Variants in PARD3B observed in about 807,000 individuals in gnomAD.
PARD3B encodes par-3 family cell polarity regulator beta.
PARD3B carries 103 observed loss-of-function variants against 130.2 expected under a neutral mutation model. The observed-to-expected ratio is 0.79, with a 90% CI of 0.67 to 0.93. The LOEUF (loss-of-function observed/expected upper bound fraction) is 0.93. PARD3B is among the 40% of genes least tolerant of loss of function. PARD3B has a pLI of 0.00. For missense variants in PARD3B, 1,609 were observed against 1,499.2 expected, an observed-to-expected ratio of 1.07 and a Z score of -1.21; for synonymous variants, 583 against 553.2, an observed-to-expected ratio of 1.05 and a Z score of -0.76.
intron 16 of PARD3B, among the ~76,000 whole-genome samples, chr2:205,290,750 A>G (rs1291244449): frequency 3.3e-5 from 5 of 152,192 alleles, no homozygotes; most frequent in Admixed American, 2.0e-4. Context: ...TTGAAATCCT[A>G]TACCACAATA....
rs558366380 is a variant in PARD3B, at chr2:205,298,385, T to C, written c.2186-2145T>C. Among the ~76,000 whole-genome samples, 17 of 152,340 alleles carry C rather than the reference T, an allele frequency of 1.1e-4. No homozygotes were observed. The South Asian group carries it at 3.3e-3, about 30-fold the overall frequency. On this transcript the variant is annotated intron_variant, in intron 16 of 22. Transcript: ENST00000406610. ...TCAATTTCTGTTTCTTCAACTTATC[T>C]TCCTTCCTGGGAATATAAAAAATAT...
chr2:205,440,486 A>T lies in PARD3B; in HGVS notation c.2858A>T (p.Tyr953Phe). The T allele has an allele frequency of 6.2e-7, 1 of 1,614,122 alleles. No individual in the cohort carries two copies. The highest frequency in any genetic ancestry group is 8.5e-7 in the Non-Finnish European group (1 of 1,179,986). Residue 953 changes from tyrosine (Y) to phenylalanine (F), a missense_variant, in exon 20 of 23, where the codon TAT (tyrosine) becomes TTT (phenylalanine). Physicochemically the swap from Tyr to Phe is conservative, Grantham distance 22. Coordinates refer to ENST00000406610, the MANE Select transcript of PARD3B (RefSeq NM_001302769.2). The surrounding 1 kb of genome is among the most constrained non-coding windows in gnomAD (Gnocchi z 4.2). The part of the protein sequence containing the change: ...DMDDDEMDPN[Y>F]ARVNHFREPC... ...GATGATGATGAAATGGACCCCAATT[A>T]TGCCAGAGTGAACCACTTTCGGGAA...
intron 20 of PARD3B, 92 bp from the exon 21 acceptor site, chr2:205,499,804 T>A: frequency 1.5e-6 from 2 of 1,303,394 alleles, no homozygotes; most frequent in Non-Finnish European, 2.1e-6. Context: ...TCTTCCAAAT[T>A]TAGATGTCAA....
intron 2 of PARD3B, among the ~76,000 whole-genome samples, chr2:204,766,540 C>T (rs17450742): frequency 0.64 from 97,149 of 151,812 alleles, 33,763 homozygotes; most frequent in East Asian, 0.84. Context: ...TCTTAATGTA[C>T]TATTGCTATA....
chr2:205,595,648 C>G (rs545661547), intron 22 of PARD3B, among the ~76,000 whole-genome samples: 2 of 152,280 alleles, frequency 1.3e-5, no homozygotes, highest in South Asian at 4.2e-4. Flanking sequence ...AGCAAAGCAG[C>G]ACTCAAACAA....
At chr2:205,114,088 C>T (rs1703849218) in intron 6 of PARD3B, among the ~76,000 whole-genome samples, 1 of 151,996 alleles carries the variant, frequency 6.6e-6, no homozygotes, top group Admixed American at 6.6e-5. Context: ...GCTGTATTTT[C>T]CTAAAATATA....
chr2:205,472,575 T>G (rs922871050), intron 20 of PARD3B, among the ~76,000 whole-genome samples: 1 of 152,204 alleles, frequency 6.6e-6, no homozygotes, highest in African/African-American at 2.4e-5. Flanking sequence ...TACATGTTTG[T>G]TCCTCTCAAG....
intron 3 of PARD3B, among the ~76,000 whole-genome samples, chr2:205,004,373 G>T (rs542768402): frequency 1.3e-5 from 2 of 152,208 alleles, no homozygotes; most frequent in African/African-American, 4.8e-5. Flanking sequence ...AGAAGACCAG[G>T]TATTATTTTT....
intron 2 of PARD3B, among the ~76,000 whole-genome samples, chr2:204,817,981 GTTTACTTGGAGTAT>G: frequency 6.6e-6 from 1 of 152,136 alleles, no homozygotes; most frequent in African/African-American, 2.4e-5. Context: ...CAGAAGGAAA[GTTTACTTGGAGTAT>G]TTCTTAAGGG....
At chr2:205,328,812 A>G (rs1319271184) in intron 18 of PARD3B, among the ~76,000 whole-genome samples, 2 of 152,238 alleles carry the variant, frequency 1.3e-5, no homozygotes, top group Non-Finnish European at 2.9e-5. Context: ...TGAAGGAACC[A>G]TATCATATGT....
Position 205,552,221 on chromosome 2 carries a change from A to G in PARD3B, c.3181-1103A>G, listed in dbSNP as rs1189328994. 5.9e-5 allele frequency among the ~76,000 whole-genome samples: 9 copies of G among 152,258 alleles called. No individual in the cohort carries two copies. The South Asian group carries it at 1.7e-3, about 28-fold the overall frequency. ...ACACAGGACGTACAGAGGAAGGGAC[A>G]AAAACAGTAAAGACCAACACTAGAT... On this transcript the variant is annotated intron_variant, in intron 21 of 22. Coordinates refer to ENST00000406610, the MANE Select transcript of PARD3B (RefSeq NM_001302769.2).
chr2:205,471,936 A>C (rs942943548), intron 20 of PARD3B, among the ~76,000 whole-genome samples: 4 of 152,100 alleles, frequency 2.6e-5, no homozygotes, highest in African/African-American at 9.7e-5. Flanking sequence ...AGCATCAGTA[A>C]CCCAGTGATC....
In PARD3B at chr2:204,661,306, G is replaced by A. The variant is rs76616251; in HGVS notation, c.121-24875G>A. 6.6e-3 allele frequency among the ~76,000 whole-genome samples: 1,008 copies of A among 152,160 alleles called. 11 individuals carry two copies. Among genetic ancestry groups the A allele is most frequent in the African/African-American group, 0.023 (943 of 41,506 alleles). ...GTGAATCCACAAGGCTGGTGTTAACGGTTTTTCCCTTCCCCTTTGCTTGTG... is the reference window on the plus strand; with the variant it reads ...GTGAATCCACAAGGCTGGTGTTAACAGTTTTTCCCTTCCCCTTTGCTTGTG... On this transcript the variant is annotated intron_variant, in intron 1 of 22. Transcript: ENST00000406610.
chr2:204,655,785 T>A (rs2035618562), intron 1 of PARD3B, among the ~76,000 whole-genome samples: 1 of 152,096 alleles, frequency 6.6e-6, no homozygotes, highest in Admixed American at 6.5e-5. Flanking sequence ...GCTTAAGTGA[T>A]AATCATTTAT....
chr2:205,422,046 G>A (rs908712515), intron 19 of PARD3B, among the ~76,000 whole-genome samples: 1 of 152,116 alleles, frequency 6.6e-6, no homozygotes, highest in Non-Finnish European at 1.5e-5. Context: ...CTTGTAAACA[G>A]ATAAATAAAA....
intron 15 of PARD3B, among the ~76,000 whole-genome samples, chr2:205,219,176 T>C (rs1328719280): frequency 6.6e-6 from 1 of 152,170 alleles, no homozygotes; most frequent in Non-Finnish European, 1.5e-5. Flanking sequence ...CTCAACTTTG[T>C]TCGAGATTCT....
At chr2:204,983,605 TA>T (rs1235124934) in intron 3 of PARD3B, among the ~76,000 whole-genome samples, 4 of 152,188 alleles carry the variant, frequency 2.6e-5, no homozygotes, top group Non-Finnish European at 5.9e-5. Flanking sequence ...CTATTGAAGT[TA>T]AAGGGCACTT....
chr2:205,612,712 T>C (rs1575487726), intron 22 of PARD3B, among the ~76,000 whole-genome samples: 1 of 152,126 alleles, frequency 6.6e-6, no homozygotes, highest in Admixed American at 6.5e-5. Context: ...AAAAGACAAT[T>C]TCCATGACTT....
At chr2:205,553,661 C>T (rs930773042) in intron 22 of PARD3B, among the ~76,000 whole-genome samples, 2 of 152,170 alleles carry the variant, frequency 1.3e-5, no homozygotes, top group African/African-American at 4.8e-5. Flanking sequence ...AAATGGAAAT[C>T]CTAAGCCATT....
Sources: gnomAD v4.1 joint callset for allele counts (sites outside exome capture counted in the v4.1 genomes callset) on GRCh38, gnomAD v4.1.1 for gene constraint, Gnocchi (gnomAD v3.1) non-coding constraint, MANE v1.5 for transcripts, NCBI Gene and HGNC (gene_info 2026-07-23, HGNC 2026-07-21) for gene names.